NTRK1: variants seen among roughly 807,000 people sequenced by gnomAD.
The protein encoded by NTRK1 is neurotrophic receptor tyrosine kinase 1, also known as high affinity nerve growth factor receptor.
Under a neutral mutation model 86.8 loss-of-function variants are expected in NTRK1, and 62 were observed. The ratio of observed to expected loss-of-function variants is 0.71; its 90% CI spans 0.58 to 0.88. The LOEUF is 0.88. Among genes scored for constraint, NTRK1 ranks in the 40% least tolerant of loss-of-function variants. NTRK1 has a pLI of 0.00. For synonymous variants in NTRK1, 469 were observed against 456.6 expected (o/e 1.03, Z -0.35); for missense variants, 967 against 1,078.4 (o/e 0.90, Z 1.45).
In NTRK1 at chr1:156,861,031, G is replaced by C. The variant is rs777913530; in HGVS notation, c.97G>C (p.Ala33Pro). The change falls in exon 1 of 17, where the codon GCC (alanine) becomes CCC (proline). Residue 33 changes from alanine to proline, a missense_variant. Transcript: ENST00000524377. The part of the protein sequence containing the change: ...LAWLILASAG[A>P]APCPDACCPH... Reference sequence around the variant, plus strand: ...TTGGCTGATACTGGCATCTGCGGGCGCCGCACCCTGCCCCGATGCCTGCTG... The same window carrying C: ...TTGGCTGATACTGGCATCTGCGGGCCCCGCACCCTGCCCCGATGCCTGCTG... The C allele has an allele frequency of 1.3e-6, 2 of 1,544,982 alleles. No homozygotes were observed. Among genetic ancestry groups the C allele is most frequent in the Admixed American group, 1.9e-5 (1 of 52,372 alleles).
intron 1 of NTRK1, chr1:156,841,326 C>G (rs1218627194): frequency 2.8e-6 from 4 of 1,451,896 alleles, no homozygotes; most frequent in Non-Finnish European, 3.8e-6. Flanking sequence ...GAGCCAGAAT[C>G]ATGGGGCCGG....
intron 4 of NTRK1, among the ~76,000 whole-genome samples, chr1:156,867,827 C>T (rs2102891752): frequency 6.6e-6 from 1 of 151,802 alleles, no homozygotes; most frequent in East Asian, 2.0e-4. Context: ...GTGCCCGCCA[C>T]CATGCCTGGC....
intron 2 of NTRK1, chr1:156,844,669 C>A (rs773678381): frequency 6.8e-6 from 11 of 1,613,804 alleles, no homozygotes; most frequent in Middle Eastern, 1.6e-4. Context: ...GATGTAGGCA[C>A]AAAACGGGGC....
chr1:156,822,989 G>T (rs1158570924), intron 1 of NTRK1, among the ~76,000 whole-genome samples: 1 of 152,202 alleles, frequency 6.6e-6, no homozygotes, highest in Admixed American at 6.5e-5. Context: ...TCCTTCCTTT[G>T]CCTGTTGGTC....
chr1:156,876,601 C>T (rs558450169), intron 14 of NTRK1, 29 bp downstream of exon 14: 1 of 1,597,222 alleles, frequency 6.3e-7, no homozygotes, highest in South Asian at 1.1e-5. Flanking sequence ...AGCGCTGGCC[C>T]CGGCCCCTGG....
rs1398706239 is a variant in NTRK1, at chr1:156,875,369, C to A, written c.1355-151C>A. The A allele has an allele frequency of 4.8e-6, 5 of 1,045,592 alleles. No individual in the cohort carries two copies. In the East Asian group the frequency reaches 1.2e-4, roughly 25 times the overall value. The allele number at this position is 1,045,592 out of a possible 1,614,324, so 64.8% of individuals were successfully genotyped here. A position where few individuals can be genotyped will look rare whatever the true frequency, so the allele number is the denominator to read the frequency against. ...GCCAGCACAGGGAGAGGCGGTGGTG[C>A]CCCCTTCCCCCTGCCTGCTGTCTCG... On this transcript the variant is annotated intron_variant, in intron 11 of 16. Coordinates refer to ENST00000524377, the MANE Select transcript of NTRK1 (RefSeq NM_002529.4).
At chr1:156,830,550 C>CTTTT (rs5778003) in intron 1 of NTRK1, among the ~76,000 whole-genome samples, 7 of 105,376 alleles carry the variant, frequency 6.6e-5, no homozygotes, top group African/African-American at 1.6e-4. Flanking sequence ...TTGTGGGATT[C>CTTTT]TTTTTTTTTT....
chr1:156,846,333 C>G (rs1463801933), intron 2 of NTRK1, among the ~76,000 whole-genome samples: 1 of 152,138 alleles, frequency 6.6e-6, no homozygotes, highest in African/African-American at 2.4e-5. Flanking sequence ...CCCGGACTGT[C>G]CCAATCCCAG....
At position 156,874,598 on chromosome 1, in the gene NTRK1, T is replaced by A; in HGVS notation, c.1223T>A (p.Val408Glu). Reference sequence around the variant, plus strand: ...ACTAACAGCACATCTGGAGACCCGGTGGAGAAGAAGGACGAAACACCTTTT... The same window carrying A: ...ACTAACAGCACATCTGGAGACCCGGAGGAGAAGAAGGACGAAACACCTTTT... ...VDTNSTSGDP[V>E]EKKDETPFGV... The change falls in exon 10 of 17, where the codon GTG becomes GAG. Residue 408 changes from valine (V) to glutamate (E), a missense_variant. Physicochemically the swap from Val to Glu is moderately radical, Grantham distance 121. Around this residue, in one of 2 missense-constraint regions of NTRK1, gnomAD observed 637 missense variants for 776.5 expected, o/e 0.82. Transcript: ENST00000524377. 2.5e-6 allele frequency: 4 copies of A among 1,614,036 alleles called. No individual in the cohort carries two copies. The South Asian group carries it at 4.4e-5, about 18-fold the overall frequency.
intron 1 of NTRK1, 22 bp downstream of exon 1, chr1:156,861,168 G>T: frequency 6.5e-7 from 1 of 1,539,670 alleles, no homozygotes; most frequent in Non-Finnish European, 8.7e-7. Context: ...GCGGGCGGTG[G>T]GGGGGCGCGG....
intron 5 of NTRK1, 113 bp from the exon 6 acceptor site, chr1:156,868,392 G>A (rs1177235354): frequency 2.4e-5 from 37 of 1,535,420 alleles, no homozygotes; most frequent in East Asian, 2.0e-4. Context: ...GGGTGACATC[G>A]CCTGGGCTCC....
chr1:156,861,293 G>T (rs548463300), intron 1 of NTRK1, 147 bp downstream of exon 1: 1 of 902,348 alleles, frequency 1.1e-6, no homozygotes, highest in Non-Finnish European at 1.6e-6. Context: ...CTGCCCGGGC[G>T]TTCCTCCGCA....
chr1:156,851,250 G>T (rs193238909), intron 2 of NTRK1: 1 of 1,611,238 alleles, frequency 6.2e-7, no homozygotes, highest in Admixed American at 1.7e-5. Flanking sequence ...TTGGAGGAAG[G>T]AGTGTAATAG....
intron 2 of NTRK1, chr1:156,851,682 C>T: frequency 1.9e-6 from 3 of 1,614,220 alleles, no homozygotes; most frequent in Admixed American, 1.7e-5. Context: ...CTTCCCTCCA[C>T]ATGCGTGCAG....
intron 1 of NTRK1, among the ~76,000 whole-genome samples, chr1:156,836,232 C>T (rs1416880454): frequency 6.6e-6 from 1 of 152,152 alleles, no homozygotes; most frequent in Admixed American, 6.5e-5. Context: ...CCCTGTTGTT[C>T]ACAAGTGGGG....
intron 16 of NTRK1, 137 bp downstream of exon 16, chr1:156,880,294 C>A: frequency 1.2e-6 from 1 of 848,560 alleles, no homozygotes; most frequent in Non-Finnish European, 1.9e-6. Context: ...GCCGTGCCCA[C>A]ACTGTGTCCC....
chr1:156,869,047 C>T (rs962549996), intron 6 of NTRK1, among the ~76,000 whole-genome samples: 27 of 145,830 alleles, frequency 1.9e-4, no homozygotes, highest in African/African-American at 6.3e-4. Context: ...TTCCTTCCTT[C>T]CTTCCTTCCT....
At chr1:156,867,698 T>C (rs1257875147) in intron 4 of NTRK1, among the ~76,000 whole-genome samples, 1 of 151,004 alleles carries the variant, frequency 6.6e-6, no homozygotes. Flanking sequence ...AGACGGAGTC[T>C]CGCTCTGTCA....
chr1:156,856,649 T>C (rs1171695127), upstream of NTRK1, among the ~76,000 whole-genome samples: 2 of 152,080 alleles, frequency 1.3e-5, no homozygotes, highest in Non-Finnish European at 2.9e-5. Flanking sequence ...GGCTCCAAAA[T>C]TGTTGTATAC....
Sources: allele counts gnomAD v4.1 joint callset (sites outside exome capture counted in the v4.1 genomes callset), GRCh38; gene constraint gnomAD v4.1.1; regional missense constraint gnomAD v4.1.1; transcripts MANE v1.5; gene names NCBI Gene and HGNC (gene_info 2026-07-23, HGNC 2026-07-21).